Variants in KHDRBS3 observed in about 807,000 individuals in gnomAD.
KHDRBS3 encodes KH RNA binding domain containing, signal transduction associated 3, also known as KH domain-containing, RNA-binding, signal transduction-associated protein 3.
KHDRBS3 carries 23 observed loss-of-function variants against 45.6 expected under a neutral mutation model. The ratio of observed to expected loss-of-function variants is 0.50; its 90% CI spans 0.36 to 0.72. The LOEUF (loss-of-function observed/expected upper bound fraction) is 0.72. Ranked by LOEUF, KHDRBS3 falls within the 30% of genes least tolerant of loss-of-function variation. KHDRBS3 has a pLI of 0.00. For missense variants in KHDRBS3, 352 were observed against 424.8 expected (o/e 0.83, Z 1.51); for synonymous variants, 162 against 156.5 (o/e 1.04, Z -0.26).
At chr8:135,636,498 T>C (rs1412866410) in intron 7 of KHDRBS3, among the ~76,000 whole-genome samples, 2 of 152,204 alleles carry the variant, frequency 1.3e-5, no homozygotes, top group African/African-American at 4.8e-5. Context: ...AGTGTTATTC[T>C]GAAAACATTT....
intron 8 of KHDRBS3, among the ~76,000 whole-genome samples, chr8:135,645,929 T>A (rs941315409): frequency 6.6e-6 from 1 of 151,632 alleles, no homozygotes; most frequent in South Asian, 2.1e-4. Context: ...TTTTCCGGCG[T>A]TAAACCTTTT....
chr8:135,623,568 C>CT (rs879529143), intron 7 of KHDRBS3, among the ~76,000 whole-genome samples: 109 of 142,894 alleles, frequency 7.6e-4, no homozygotes, highest in South Asian at 1.1e-3. Flanking sequence ...AAGTTCCTTA[C>CT]TTTTTTTTTT....
intron 6 of KHDRBS3, among the ~76,000 whole-genome samples, chr8:135,586,144 A>G (rs1323924721): frequency 6.6e-6 from 1 of 152,172 alleles, no homozygotes; most frequent in Non-Finnish European, 1.5e-5. Flanking sequence ...AGGCACTTTG[A>G]TATATGTCAC....
At chr8:135,475,031 C>G (rs1267429336) in intron 1 of KHDRBS3, among the ~76,000 whole-genome samples, 2 of 152,198 alleles carry the variant, frequency 1.3e-5, no homozygotes, top group African/African-American at 4.8e-5. Flanking sequence ...CATTTCTCCG[C>G]TCCTCTCTCT....
intron 5 of KHDRBS3, among the ~76,000 whole-genome samples, chr8:135,561,980 T>TA (rs200125161): frequency 8.7e-5 from 13 of 149,756 alleles, no homozygotes; most frequent in African/African-American, 2.5e-4. Flanking sequence ...TCAAAAAGTT[T>TA]AAAAAAAAAA....
At chr8:135,554,511 A>G (rs932439814) in intron 4 of KHDRBS3, among the ~76,000 whole-genome samples, 3 of 152,128 alleles carry the variant, frequency 2.0e-5, no homozygotes, top group African/African-American at 7.2e-5. Flanking sequence ...TATTTTAGAG[A>G]GGTTGAAATA....
At chr8:135,495,686 C>T (rs1293381781) in intron 1 of KHDRBS3, among the ~76,000 whole-genome samples, 2 of 152,150 alleles carry the variant, frequency 1.3e-5, no homozygotes, top group African/African-American at 4.8e-5. Flanking sequence ...CTACCAAAAT[C>T]TGAATTCCTA....
intron 3 of KHDRBS3, among the ~76,000 whole-genome samples, chr8:135,545,755 CCT>C (rs1826271079): frequency 6.6e-6 from 1 of 152,176 alleles, no homozygotes; most frequent in Non-Finnish European, 1.5e-5. Context: ...TGCGCTGTAG[CCT>C]CTGTCACATG....
chr8:135,611,991 G>T (rs1829725280), intron 7 of KHDRBS3, among the ~76,000 whole-genome samples: 1 of 151,850 alleles, frequency 6.6e-6, no homozygotes, highest in South Asian at 2.1e-4. Context: ...TTTGTGCTTG[G>T]CATTATTTCA....
chr8:135,555,970 G>T (rs1415148089), intron 4 of KHDRBS3, among the ~76,000 whole-genome samples: 1 of 152,118 alleles, frequency 6.6e-6, no homozygotes, highest in African/African-American at 2.4e-5. Flanking sequence ...CCACTTATGA[G>T]TGAGAACGTG....
chr8:135,569,734 G>A (rs977314321), intron 5 of KHDRBS3, among the ~76,000 whole-genome samples: 6 of 152,094 alleles, frequency 3.9e-5, no homozygotes, highest in Admixed American at 2.0e-4. Context: ...CCACAACAGG[G>A]CCTGCGGCAC....
At chr8:135,561,247 A>G (rs1312810120) in intron 5 of KHDRBS3, among the ~76,000 whole-genome samples, 1 of 152,172 alleles carries the variant, frequency 6.6e-6, no homozygotes, top group Non-Finnish European at 1.5e-5. Flanking sequence ...ATTGAAACTC[A>G]TTTTAACAAA....
At chr8:135,496,168 T>C (rs1285447732) in intron 1 of KHDRBS3, among the ~76,000 whole-genome samples, 1 of 117,628 alleles carries the variant, frequency 8.5e-6, no homozygotes, top group Non-Finnish European at 1.9e-5. Flanking sequence ...AGGAAAACTG[T>C]AGAGAGAGGG....
intron 7 of KHDRBS3, among the ~76,000 whole-genome samples, chr8:135,608,173 A>G (rs2131032742): frequency 6.6e-6 from 1 of 152,332 alleles, no homozygotes. Flanking sequence ...GTATACATGA[A>G]GAAAAGGAGC....
At chr8:135,553,899 G>A (rs1011551959) in intron 4 of KHDRBS3, among the ~76,000 whole-genome samples, 13 of 152,086 alleles carry the variant, frequency 8.5e-5, no homozygotes, top group African/African-American at 3.1e-4. Flanking sequence ...AATTTAAAAT[G>A]CAAAATTACA....
At chr8:135,572,425 A>T (rs73712070) in intron 5 of KHDRBS3, among the ~76,000 whole-genome samples, 2,973 of 152,248 alleles carry the variant, frequency 0.02, 102 homozygotes, top group African/African-American at 0.067. Flanking sequence ...GATTTCTTTT[A>T]TACTCTATAC....
At chr8:135,491,200 G>A (rs1823132751) in intron 1 of KHDRBS3, among the ~76,000 whole-genome samples, 1 of 151,992 alleles carries the variant, frequency 6.6e-6, no homozygotes, top group South Asian at 2.1e-4. Context: ...TTTTGTATGT[G>A]TTTCTATGCC....
chr8:135,600,982 A>G (rs1367624563), intron 6 of KHDRBS3, among the ~76,000 whole-genome samples: 2 of 152,212 alleles, frequency 1.3e-5, no homozygotes, highest in Non-Finnish European at 2.9e-5. Context: ...GGATTAGTAA[A>G]GGAGCTTTAT....
At chr8:135,522,651 T>A (rs1824976459) in intron 2 of KHDRBS3, among the ~76,000 whole-genome samples, 1 of 152,198 alleles carries the variant, frequency 6.6e-6, no homozygotes, top group South Asian at 2.1e-4. Flanking sequence ...TACCTTATGA[T>A]TGATCATTTT....
Sources: gnomAD v4.1 joint callset for allele counts (sites outside exome capture counted in the v4.1 genomes callset) on GRCh38, gnomAD v4.1.1 for gene constraint, MANE v1.5 for transcripts, NCBI Gene and HGNC (gene_info 2026-07-23, HGNC 2026-07-21) for gene names.